Variants in PTPRD observed in about 807,000 individuals in gnomAD.
PTPRD encodes protein tyrosine phosphatase receptor type D.
PTPRD carries 34 observed loss-of-function variants against 214.5 expected under a neutral mutation model. That is an observed-to-expected ratio of 0.16 (90% CI 0.12 to 0.21). The LOEUF (loss-of-function observed/expected upper bound fraction) is 0.21, where lower values mean the gene tolerates loss of function less well. Among genes scored for constraint, PTPRD ranks in the 10% least tolerant of loss-of-function variants. The pLI, the probability that PTPRD is intolerant of heterozygous loss-of-function variation, is 1.00. For missense variants in PTPRD, 2,545 were observed against 2,398.7 expected (o/e 1.06, Z -1.27); for synonymous variants, 1,128 against 845.7 (o/e 1.33, Z -5.79).
intron 2 of PTPRD, among the ~76,000 whole-genome samples, chr9:10,431,930 A>G (rs2098683291): frequency 6.6e-6 from 1 of 152,086 alleles, no homozygotes. Context: ...GCCATCCATT[A>G]CTGGGTATAT....
chr9:8,937,486 A>G (rs1048844265), intron 11 of PTPRD, among the ~76,000 whole-genome samples: 1 of 152,154 alleles, frequency 6.6e-6, no homozygotes, highest in Non-Finnish European at 1.5e-5. Flanking sequence ...GTCATAAATC[A>G]GTTCCAATGT....
At chr9:10,344,671 T>C (rs1209569501) in intron 2 of PTPRD, among the ~76,000 whole-genome samples, 1 of 152,196 alleles carries the variant, frequency 6.6e-6, no homozygotes, top group Non-Finnish European at 1.5e-5. Flanking sequence ...GAGCATGGAA[T>C]GTTCTTCCAT....
At chr9:8,637,040 C>A (rs958476409) in intron 12 of PTPRD, among the ~76,000 whole-genome samples, 196 bp from the exon 13 acceptor site, 5 of 152,116 alleles carry the variant, frequency 3.3e-5, no homozygotes, top group African/African-American at 9.7e-5. Flanking sequence ...ACATAACTTT[C>A]TGGTTAAGTT....
At chr9:9,071,763 A>G (rs1233327910) in intron 10 of PTPRD, among the ~76,000 whole-genome samples, 1 of 152,162 alleles carries the variant, frequency 6.6e-6, no homozygotes, top group Non-Finnish European at 1.5e-5. Flanking sequence ...GATAAGCTAT[A>G]ACTGGGCTCT....
At chr9:8,935,682 C>T (rs149183115) in intron 11 of PTPRD, among the ~76,000 whole-genome samples, 90 of 152,242 alleles carry the variant, frequency 5.9e-4, no homozygotes, top group African/African-American at 2.0e-3. Flanking sequence ...GGGGAAGGCC[C>T]CCCACAGTGG....
chr9:8,674,448 C>G lies in PTPRD; in HGVS notation c.65-37604G>C, dbSNP rs550964820. 5.7e-5 allele frequency among the ~76,000 whole-genome samples: 5 copies of G among 88,448 alleles called. No individual in the cohort carries two copies. In the Admixed American group the frequency reaches 9.9e-4, roughly 18 times the overall value. The allele number at this position is 88,448 out of a possible 152,430, so 58.0% of individuals were successfully genotyped here. On this transcript the variant is annotated intron_variant, in intron 12 of 45. Coordinates refer to ENST00000381196, the MANE Select transcript of PTPRD (RefSeq NM_002839.4). ...ACTCCAGCCTGGTGGCAGAGCAAGA[C>G]GCTGTCTCAAAAAAAAAAAAAAAAA...
chr9:9,640,955 A>T (rs2095922880), intron 7 of PTPRD, among the ~76,000 whole-genome samples: 1 of 152,244 alleles, frequency 6.6e-6, no homozygotes, highest in South Asian at 2.1e-4. Flanking sequence ...ATCAAATCCA[A>T]CTGGCTTACT....
intron 9 of PTPRD, among the ~76,000 whole-genome samples, chr9:9,276,396 G>C (rs1255074192): frequency 6.6e-6 from 1 of 151,308 alleles, no homozygotes; most frequent in Non-Finnish European, 1.5e-5. Flanking sequence ...TAGAATATCA[G>C]AGGCCCGGGG....
chr9:9,783,867 T>C (rs73641350), intron 5 of PTPRD, among the ~76,000 whole-genome samples: 1 of 150,086 alleles, frequency 6.7e-6, no homozygotes, highest in African/African-American at 2.4e-5. Context: ...AAGAGTAAAA[T>C]GAACCACAGT....
chr9:9,223,639 G>C (rs1274623422), intron 9 of PTPRD, among the ~76,000 whole-genome samples: 2 of 151,912 alleles, frequency 1.3e-5, no homozygotes, highest in Non-Finnish European at 2.9e-5. Flanking sequence ...TATGAAAGTA[G>C]ACATCATTCC....
chr9:8,858,087 T>TCCTCCC (rs1158178884), intron 11 of PTPRD: 2 of 161,980 alleles, frequency 1.2e-5, no homozygotes, highest in African/African-American at 4.9e-5. Context: ...GCTGTTTGTC[T>TCCTCCC]CCTCCCCCTC....
At chr9:8,677,124 C>G (rs1477950397) in intron 12 of PTPRD, among the ~76,000 whole-genome samples, 1 of 152,162 alleles carries the variant, frequency 6.6e-6, no homozygotes, top group Admixed American at 6.5e-5. Flanking sequence ...AATTAAAGAT[C>G]TGAAACACAG....
chr9:9,985,081 C>T (rs891044754), intron 4 of PTPRD, among the ~76,000 whole-genome samples: 2 of 152,168 alleles, frequency 1.3e-5, no homozygotes, highest in African/African-American at 4.8e-5. Flanking sequence ...CATGCAAATA[C>T]AAACTGAAAA....
intron 2 of PTPRD, among the ~76,000 whole-genome samples, chr9:10,531,164 G>A (rs1193074889): frequency 6.6e-6 from 1 of 151,876 alleles, no homozygotes; most frequent in African/African-American, 2.4e-5. Flanking sequence ...TGGTCAGGCT[G>A]GTCTTAAACT....
intron 14 of PTPRD, among the ~76,000 whole-genome samples, chr9:8,613,575 C>G (rs896450440): frequency 2.6e-5 from 4 of 152,210 alleles, no homozygotes; most frequent in African/African-American, 7.2e-5. Context: ...TTTGAATCTC[C>G]TGCCTCTCTA....
intron 9 of PTPRD, among the ~76,000 whole-genome samples, chr9:9,257,885 C>A (rs975344111): frequency 6.6e-6 from 1 of 151,922 alleles, no homozygotes; most frequent in East Asian, 1.9e-4. Context: ...TCCGAACTAA[C>A]CTTTTAAAAA....
intron 39 of PTPRD, among the ~76,000 whole-genome samples, chr9:8,355,900 T>G (rs7037552): frequency 0.017 from 2,650 of 152,232 alleles, 86 homozygotes; most frequent in African/African-American, 0.06. Flanking sequence ...TACAGGCACA[T>G]TGCTAACATT....
intron 11 of PTPRD, among the ~76,000 whole-genome samples, chr9:8,900,773 A>C (rs2098662124): frequency 6.6e-6 from 1 of 152,196 alleles, no homozygotes; most frequent in Non-Finnish European, 1.5e-5. Flanking sequence ...AATGTGGGGG[A>C]AAATGGTCCC....
chr9:10,336,457 A>G (rs2096845312), intron 3 of PTPRD, among the ~76,000 whole-genome samples: 1 of 151,616 alleles, frequency 6.6e-6, no homozygotes, highest in South Asian at 2.1e-4. Flanking sequence ...CCTATTTTGC[A>G]TTTGCCAGAA....
Sources: allele counts gnomAD v4.1 joint callset (sites outside exome capture counted in the v4.1 genomes callset), GRCh38; gene constraint gnomAD v4.1.1; transcripts MANE v1.5; gene names NCBI Gene and HGNC (gene_info 2026-07-23, HGNC 2026-07-21).